C12orf42: variants seen among roughly 807,000 people sequenced by gnomAD.
The protein encoded by C12orf42 is chromosome 12 open reading frame 42.
A neutral mutation model predicts 21.6 loss-of-function variants in C12orf42; 25 were observed. The observed-to-expected ratio is 1.16, with a 90% CI of 0.84 to 1.62. The LOEUF is 1.62. C12orf42 is among the 40% of genes most tolerant of loss of function. The pLI is 0.00. For missense variants in C12orf42, 483 were observed against 459.3 expected, an observed-to-expected ratio of 1.05 and a Z score of -0.47; for synonymous variants, 174 against 175.0, an observed-to-expected ratio of 0.99 and a Z score of 0.05.
rs2037813840 is a variant in C12orf42, at chr12:103,302,567, G to A, written c.632-8C>T. ...AAGGTCTGGCGGCAGAACCTGGAAG[G>A]CAAAGCAGGAAAGCAGGACAGAGAT... On this transcript the variant is annotated splice_region_variant and splice_polypyrimidine_tract_variant and intron_variant, in intron 5 of 5. Transcript: ENST00000548883. 1 of 1,599,046 alleles carries A rather than the reference G, an allele frequency of 6.3e-7. No homozygotes were observed.
At chr12:103,418,260 T>C (rs2049541641) in intron 2 of C12orf42, among the ~76,000 whole-genome samples, 1 of 152,150 alleles carries the variant, frequency 6.6e-6, no homozygotes, top group African/African-American at 2.4e-5. Flanking sequence ...ACAGGTGTCC[T>C]AGAATCCAAA....
chr12:103,106,352 G>T, the C12orf42 span, among the ~76,000 whole-genome samples: 2 of 151,958 alleles, frequency 1.3e-5, no homozygotes, highest in African/African-American at 2.4e-5. Context: ...AAAAGAGTAG[G>T]CTGCAAGAAG....
intron 4 of C12orf42, among the ~76,000 whole-genome samples, chr12:103,288,293 T>A (rs1302653231): frequency 1.3e-5 from 2 of 152,176 alleles, no homozygotes; most frequent in African/African-American, 4.8e-5. Flanking sequence ...TAGCAGAAGT[T>A]AAAATCTCAG....
the C12orf42 span, among the ~76,000 whole-genome samples, chr12:103,097,306 T>G: frequency 7.9e-5 from 12 of 152,170 alleles, no homozygotes; most frequent in Non-Finnish European, 1.5e-4. Context: ...TGCTAGAGAA[T>G]ACAGAGAGCT....
chr12:103,352,302 G>C (rs1488599170), intron 4 of C12orf42, among the ~76,000 whole-genome samples: 2 of 152,144 alleles, frequency 1.3e-5, no homozygotes, highest in Non-Finnish European at 2.9e-5. Context: ...TGGAGGGAAG[G>C]AAAGAGGGAT....
At chr12:103,310,486 T>C (rs2038872345) in intron 4 of C12orf42, among the ~76,000 whole-genome samples, 1 of 152,234 alleles carries the variant, frequency 6.6e-6, no homozygotes, top group Non-Finnish European at 1.5e-5. Context: ...GTTGGTAACA[T>C]TTTGGATTTT....
At chr12:103,154,053 A>AAAAAAG in the C12orf42 span, among the ~76,000 whole-genome samples, 1 of 145,184 alleles carries the variant, frequency 6.9e-6, no homozygotes, top group African/African-American at 2.6e-5. Flanking sequence ...AAAAAAAAGA[A>AAAAAAG]TGTGGAGGAA....
chr12:103,326,209 A>G (rs1000328867), intron 4 of C12orf42, among the ~76,000 whole-genome samples: 13 of 152,192 alleles, frequency 8.5e-5, no homozygotes, highest in African/African-American at 3.1e-4. Flanking sequence ...ATTGGGCTTC[A>G]GAACCAATAT....
chr12:103,431,621 A>G (rs928732768), intron 2 of C12orf42, among the ~76,000 whole-genome samples: 1 of 152,250 alleles, frequency 6.6e-6, no homozygotes, highest in Admixed American at 6.5e-5. Flanking sequence ...GAAATGAGAC[A>G]ATATACACAT....
chr12:103,366,643 G>T lies in C12orf42; in HGVS notation c.259+2244C>A, dbSNP rs1377946137. 3.3e-5 allele frequency among the ~76,000 whole-genome samples: 5 copies of T among 151,970 alleles called. No individual in the cohort carries two copies. The South Asian group carries it at 6.2e-4, about 19-fold the overall frequency. ...GAAAAAAACAATCCCATCAAGAAGT[G>T]GGCTAGGGACATGAATAGACAATTC... On this transcript the variant is annotated intron_variant, in intron 4 of 5. Transcript: ENST00000548883.
intron 2 of C12orf42, among the ~76,000 whole-genome samples, chr12:103,453,558 G>A (rs1952090952): frequency 6.6e-6 from 1 of 151,798 alleles, no homozygotes; most frequent in Non-Finnish European, 1.5e-5. Context: ...TATTTTCTAT[G>A]TCATTAATTT....
chr12:103,128,030 A>G, the C12orf42 span, among the ~76,000 whole-genome samples: 22 of 152,302 alleles, frequency 1.4e-4, no homozygotes, highest in East Asian at 3.9e-3. Flanking sequence ...GAATGGCTAT[A>G]ATACTTCTAG....
chr12:103,094,461 G>T, the C12orf42 span, among the ~76,000 whole-genome samples: 1 of 152,088 alleles, frequency 6.6e-6, no homozygotes. Context: ...TCAGTTCTAG[G>T]TATTTCTAGG....
At chr12:103,484,875 T>TG (rs1235431584) in intron 1 of C12orf42, among the ~76,000 whole-genome samples, 4 of 142,862 alleles carry the variant, frequency 2.8e-5, no homozygotes, top group African/African-American at 1.0e-4. Flanking sequence ...TTTTTTTTTT[T>TG]TTTTTTTTTT....
At chr12:103,323,036 G>C (rs2040339583) in intron 4 of C12orf42, among the ~76,000 whole-genome samples, 1 of 152,092 alleles carries the variant, frequency 6.6e-6, no homozygotes, top group South Asian at 2.1e-4. Flanking sequence ...AGAAATTAAG[G>C]CTGCCCAACT....
chr12:103,299,111 T>C (rs1032679244), downstream of C12orf42, among the ~76,000 whole-genome samples: 4 of 152,116 alleles, frequency 2.6e-5, no homozygotes, highest in African/African-American at 9.6e-5. Context: ...CATATATGCA[T>C]ATATACTAGC....
At chr12:103,529,732 A>G in the C12orf42 span, among the ~76,000 whole-genome samples, 1 of 152,204 alleles carries the variant, frequency 6.6e-6, no homozygotes, top group Non-Finnish European at 1.5e-5. Context: ...TCAACCTGCA[A>G]TTTGCAACAT....
At chr12:103,509,327 G>A in the C12orf42 span, among the ~76,000 whole-genome samples, 14,669 of 152,016 alleles carry the variant, frequency 0.096, 923 homozygotes, top group South Asian at 0.27. Flanking sequence ...ACCCAATTGA[G>A]AGCCTCAAGG....
chr12:103,369,491 G>A lies in C12orf42; in HGVS notation c.148-493C>T, dbSNP rs571209285. Among the ~76,000 whole-genome samples the A allele has an allele frequency of 7.9e-5, 12 of 152,074 alleles. No homozygotes were observed. In the Middle Eastern group the frequency reaches 0.017, roughly 216 times the overall value. ...ATGAAAACAAAGATTCACAGGCTCA[G>A]ATGGAGTAGCCATGTGAGATCTTGG... On this transcript the variant is annotated intron_variant, in intron 3 of 5. Coordinates refer to ENST00000548883, the MANE Select transcript of C12orf42 (RefSeq NM_198521.5).
Sources: gnomAD v4.1 joint callset for allele counts (sites outside exome capture counted in the v4.1 genomes callset) on GRCh38, gnomAD v4.1.1 for gene constraint, MANE v1.5 for transcripts, NCBI Gene and HGNC (gene_info 2026-07-23, HGNC 2026-07-21) for gene names.